The following CYFIP2 variants were observed in gnomAD, a reference collection of about 807,000 sequenced individuals.
The protein encoded by CYFIP2 is cytoplasmic FMR1-interacting protein 2.
In CYFIP2, 29 loss-of-function variants were observed where a neutral mutation model predicts 158.7. The observed-to-expected ratio is 0.18, with a 90% confidence interval of 0.14 to 0.25. The LOEUF is 0.25. CYFIP2 is among the 10% of genes least tolerant of loss of function. The pLI is 1.00. For synonymous variants in CYFIP2, 585 were observed against 617.6 expected (o/e 0.95, Z 0.78); for missense variants, 852 against 1,639.5 (o/e 0.52, Z 8.29).
intron 15 of CYFIP2, among the ~76,000 whole-genome samples, chr5:157,322,661 T>G (rs1022944875): frequency 6.6e-6 from 1 of 152,150 alleles, no homozygotes; most frequent in African/African-American, 2.4e-5. Context: ...GGAAGCCCTG[T>G]GGCAGGGATG....
At chr5:157,372,851 C>T (rs114522513) in intron 26 of CYFIP2, among the ~76,000 whole-genome samples, 179 of 152,170 alleles carry the variant, frequency 1.2e-3, no homozygotes, top group African/African-American at 4.2e-3. Context: ...TCCCATTGGC[C>T]GTGGTGGGAA....
intron 21 of CYFIP2, among the ~76,000 whole-genome samples, chr5:157,335,597 A>G (rs905141231): frequency 5.3e-5 from 8 of 152,182 alleles, no homozygotes; most frequent in African/African-American, 1.9e-4. Context: ...AAAAGATGAG[A>G]GAAAAATAAA....
intron 1 of CYFIP2, among the ~76,000 whole-genome samples, chr5:157,270,739 T>C (rs1161831349): frequency 6.6e-6 from 1 of 152,192 alleles, no homozygotes; most frequent in African/African-American, 2.4e-5. Flanking sequence ...CTCCTCAGAT[T>C]CTTATATTGA....
At chr5:157,367,702 C>CAGAA (rs1764523813) in intron 26 of CYFIP2, among the ~76,000 whole-genome samples, 1 of 150,200 alleles carries the variant, frequency 6.7e-6, no homozygotes, top group South Asian at 2.1e-4. Context: ...CTCAGAGAAG[C>CAGAA]AGAAAGAAAA....
rs56656884 is a variant in CYFIP2 at position 157,361,963 on chromosome 5, T to C, written c.3039+365T>C. ...CTCTCTTAACACCCCACCTCTCCAA[T>C]GGCTTGCAAACAAGGGTTTTTAAAG... On this transcript the variant is annotated intron_variant, in intron 26 of 30. Transcript: ENST00000620254. This position sits in a 1 kb window ranked among gnomAD's most constrained non-coding sequence, Gnocchi z 4.4. Among the ~76,000 whole-genome samples the C allele has an allele frequency of 0.22, 32,785 of 152,102 alleles. 3,910 individuals are homozygous for C. The highest frequency in any genetic ancestry group is 0.32 in the South Asian group (1,531 of 4,820).
At chr5:157,306,606 C>G (rs896696723) in intron 8 of CYFIP2, among the ~76,000 whole-genome samples, 5 of 152,326 alleles carry the variant, frequency 3.3e-5, no homozygotes, top group Middle Eastern at 6.8e-3. Context: ...AATATACCCA[C>G]AGAGTGGCTC....
chr5:157,392,039 G>A (rs1767348220), intron 30 of CYFIP2, among the ~76,000 whole-genome samples: 1 of 152,082 alleles, frequency 6.6e-6, no homozygotes, highest in Non-Finnish European at 1.5e-5. Context: ...ATATTCATGT[G>A]TTATTGGCCA....
At chr5:157,288,594 A>AATACAGATATTTTAG (rs1221215845) in intron 3 of CYFIP2, 1 of 455,978 alleles carries the variant, frequency 2.2e-6, no homozygotes, top group Non-Finnish European at 4.4e-6. Flanking sequence ...CCATTTATCG[A>AATACAGATATTTTAG]ATGCTTTTTC....
rs58447290 is a variant in CYFIP2 at position 157,330,240 on chromosome 5, A to ATGTGTGTGTG, written c.2157-466_2157-457dup. Among the ~76,000 whole-genome samples the ATGTGTGTGTG allele has an allele frequency of 6.8e-3, 976 of 144,352 alleles. 6 individuals carry two copies. The highest frequency in any genetic ancestry group is 8.8e-3 in the Non-Finnish European group (579 of 65,562). The allele number at this position is 144,352 out of a possible 152,430, so 94.7% of individuals were successfully genotyped here. ...TCATAGGGTTGTGGTGAGATTTAAA[A>ATGTGTGTGTG]TGTGTGTGTGTGTGTGTGTGTGTGT... On this transcript the variant is annotated intron_variant, in intron 19 of 30. Coordinates refer to ENST00000620254, the MANE Select transcript of CYFIP2 (RefSeq NM_001037333.3).
At chr5:157,309,714 C>T in intron 9 of CYFIP2, 29 bp from the exon 10 acceptor site, 1 of 1,573,184 alleles carries the variant, frequency 6.4e-7, no homozygotes, top group Non-Finnish European at 8.6e-7. Context: ...TCCTCAGCAT[C>T]TCACGAGCTG....
At chr5:157,343,517 T>C in intron 23 of CYFIP2, 1 of 1,570,454 alleles carries the variant, frequency 6.4e-7, no homozygotes. Context: ...ATAAGAAATG[T>C]TCCCCACCTC....
In CYFIP2 at chr5:157,324,204, A is replaced by G. The variant is rs542347143; in HGVS notation, c.1825+130A>G. ...CCCTAAGGGGCACATATCACCACCA[A>G]GGAAAAAACACATACACTTTCCAGT... On this transcript the variant is annotated intron_variant, in intron 16 of 30. Coordinates refer to ENST00000620254, the MANE Select transcript of CYFIP2 (RefSeq NM_001037333.3). 1.8e-5 allele frequency: 20 copies of G among 1,092,404 alleles called. No homozygotes were observed. In the South Asian group the frequency reaches 4.2e-4, roughly 23 times the overall value. The allele number at this position is 1,092,404 out of a possible 1,614,324, so 67.7% of individuals were successfully genotyped here.
intron 1 of CYFIP2, among the ~76,000 whole-genome samples, chr5:157,272,104 TG>T (rs1173991061): frequency 1.3e-5 from 2 of 152,180 alleles, no homozygotes; most frequent in Non-Finnish European, 2.9e-5. Context: ...CTGGGCAAAA[TG>T]GCAAACGAAG....
chr5:157,286,344 A>G (rs1035266007), intron 2 of CYFIP2, among the ~76,000 whole-genome samples: 20 of 150,390 alleles, frequency 1.3e-4, no homozygotes, highest in Admixed American at 1.3e-3. Context: ...ATACATATAT[A>G]TGTGTGTGTG....
chr5:157,287,154 T>A, intron 3 of CYFIP2, 46 bp downstream of exon 3: 5 of 1,534,038 alleles, frequency 3.3e-6, no homozygotes, highest in Non-Finnish European at 4.5e-6. Flanking sequence ...CCTGCTGGGC[T>A]GGCAGGGGCC....
intron 29 of CYFIP2, among the ~76,000 whole-genome samples, chr5:157,389,948 A>G (rs553189495): frequency 6.2e-4 from 94 of 152,156 alleles, no homozygotes; most frequent in Non-Finnish European, 1.1e-3. Flanking sequence ...CAGCCAAAGG[A>G]TGACTCTACT....
intron 26 of CYFIP2, among the ~76,000 whole-genome samples, chr5:157,366,828 G>A (rs1455091200): frequency 6.6e-5 from 10 of 152,164 alleles, no homozygotes; most frequent in Admixed American, 6.5e-4. Flanking sequence ...GGTCATTAGG[G>A]AAAATAGCAG....
At chr5:157,391,026 G>C (rs900703603) in intron 30 of CYFIP2, among the ~76,000 whole-genome samples, 20 of 152,118 alleles carry the variant, frequency 1.3e-4, no homozygotes, top group Admixed American at 1.2e-3. Flanking sequence ...CGTGGGGTGA[G>C]CCAGGCTGCT....
At chr5:157,330,540 T>C (rs1761375395) in intron 19 of CYFIP2, among the ~76,000 whole-genome samples, 2 of 152,212 alleles carry the variant, frequency 1.3e-5, no homozygotes, top group Admixed American at 1.3e-4. Context: ...ATCTTTAACT[T>C]AGAAACTCTG....
Sources: gnomAD v4.1 joint callset for allele counts (sites outside exome capture counted in the v4.1 genomes callset) on GRCh38, gnomAD v4.1.1 for gene constraint, Gnocchi (gnomAD v3.1) non-coding constraint, MANE v1.5 for transcripts, NCBI Gene and HGNC (gene_info 2026-07-23, HGNC 2026-07-21) for gene names.